Variants in TRIM49 observed in about 807,000 individuals in gnomAD.
TRIM49 encodes the protein tripartite motif containing 49.
TRIM49 carries 5 observed loss-of-function variants against 27.4 expected under a neutral mutation model. That is an observed-to-expected ratio of 0.18 (90% CI 0.10 to 0.38). The LOEUF is 0.38. Ranked by LOEUF, TRIM49 falls within the 10% of genes least tolerant of loss-of-function variation. The pLI is 1.00. For synonymous variants in TRIM49, 69 were observed against 166.0 expected (o/e 0.42, Z 4.49); for missense variants, 188 against 487.5 (o/e 0.39, Z 5.79).
At chr11:89,791,698 G>T in the TRIM49 span, among the ~76,000 whole-genome samples, 1 of 152,088 alleles carries the variant, frequency 6.6e-6, no homozygotes, top group African/African-American at 2.4e-5. Flanking sequence ...AATGCTGAGA[G>T]ATTTTGTCAC....
At chr11:89,766,550 C>T in the TRIM49 span, 3 of 618,358 alleles carry the variant, frequency 4.9e-6, no homozygotes, top group Non-Finnish European at 8.2e-6. Context: ...GCTGGCTCCC[C>T]TGTATATGGA....
chr11:89,793,369 C>T (rs1425469639), downstream of TRIM49, among the ~76,000 whole-genome samples: 9 of 152,262 alleles, frequency 5.9e-5, no homozygotes, highest in Non-Finnish European at 1.3e-4. Context: ...GGGAATCCTC[C>T]CTAACTCATT....
At chr11:89,807,762 C>T (rs1370949715) in intron 1 of TRIM49, among the ~76,000 whole-genome samples, 2 of 150,576 alleles carry the variant, frequency 1.3e-5, no homozygotes, top group Non-Finnish European at 2.9e-5. Flanking sequence ...TCTCCAACTC[C>T]TGGCTTCAAG....
the TRIM49 span, chr11:89,768,424 T>C: frequency 3.3e-6 from 2 of 604,464 alleles, 1 homozygote. Flanking sequence ...TTGTGGCCCT[T>C]AGGGAATCTT....
chr11:89,777,050 G>A, the TRIM49 span: 1 of 1,548,822 alleles, frequency 6.5e-7, no homozygotes, highest in Non-Finnish European at 8.7e-7. Context: ...CTACTTCATA[G>A]ACCGGTCACC....
At chr11:89,790,680 C>G in the TRIM49 span, among the ~76,000 whole-genome samples, 2 of 152,020 alleles carry the variant, frequency 1.3e-5, no homozygotes, top group Admixed American at 6.5e-5. Flanking sequence ...AGACCTGCAG[C>G]TGAGGGTCCT....
At chr11:89,791,851 C>A in the TRIM49 span, among the ~76,000 whole-genome samples, 1 of 151,428 alleles carries the variant, frequency 6.6e-6, no homozygotes, top group East Asian at 1.9e-4. Context: ...AGCAAAATAA[C>A]CAGCTAACAT....
intron 3 of TRIM49, 83 bp downstream of exon 3, chr11:89,803,976 G>C (rs984995772): frequency 6.9e-5 from 111 of 1,611,392 alleles, no homozygotes; most frequent in Admixed American, 1.5e-4. Flanking sequence ...CTCAGAGTTG[G>C]CTTTATCCAA....
chr11:89,793,156 A>G (rs1565443688), downstream of TRIM49, among the ~76,000 whole-genome samples: 1 of 152,182 alleles, frequency 6.6e-6, no homozygotes, highest in Non-Finnish European at 1.5e-5. Flanking sequence ...AGAAATGGAC[A>G]CATACACTCT....
chr11:89,803,872 C>T (rs1168791340), intron 3 of TRIM49, 79 bp from the exon 4 acceptor site: 1 of 765,520 alleles, frequency 1.3e-6, no homozygotes, highest in African/African-American at 1.8e-5. Context: ...ACAAATAAGC[C>T]CCTAGTAAAT....
At chr11:89,791,723 T>C in the TRIM49 span, among the ~76,000 whole-genome samples, 2 of 152,144 alleles carry the variant, frequency 1.3e-5, no homozygotes, top group African/African-American at 4.8e-5. Flanking sequence ...AGGCCTGCCC[T>C]AAAAGAGCTC....
At chr11:89,801,103 T>C in intron 5 of TRIM49, 115 bp from the exon 6 acceptor site, 2 of 1,483,224 alleles carry the variant, frequency 1.3e-6, no homozygotes, top group Non-Finnish European at 1.8e-6. Flanking sequence ...TACCATCTTC[T>C]CTTCTGGAAA....
rs1949708191 is a variant in TRIM49 at position 89,798,447 on chromosome 11, C to G, written c.1042G>C (p.Gly348Arg). Residue 348 changes from glycine (G) to arginine (R), a missense_variant, in exon 8 of 8, where the codon GGG becomes CGG. Physicochemically the swap from Gly to Arg is moderately radical, Grantham distance 125. Transcript: ENST00000329758. ...SGKYYWEVHV[G>R]DSWNWAFGVC... ...CCAAAAGCCCAATTCCAGGAGTCCC[C>G]TACATGGACCTCCCAGTAATATTTG... 2 of 1,600,866 alleles carry G rather than the reference C, an allele frequency of 1.2e-6. No homozygotes were observed. The highest frequency in any genetic ancestry group is 1.7e-6 in the Non-Finnish European group (2 of 1,177,068).
At position 89,808,462 on chromosome 11, in the gene TRIM49, A is replaced by T. The variant is rs1363273844; in HGVS notation, c.-216T>A. 2 of 150,610 alleles carry T rather than the reference A, an allele frequency of 1.3e-5. No individual in the cohort carries two copies. Among genetic ancestry groups the T allele is most frequent in the Admixed American group, 1.3e-4 (2 of 15,254 alleles). The allele number at this position is 150,610 out of a possible 1,614,324, so 9.3% of individuals were successfully genotyped here. On this transcript the variant is annotated 5_prime_UTR_variant, in exon 1 of 8. Coordinates refer to ENST00000329758, the MANE Select transcript of TRIM49 (RefSeq NM_020358.2). Reference sequence around the variant, plus strand: ...CCAATTGTGGGAGCTGCTTAAGCAAATGTGAGATCCTGGGTACAGTCCATC... The same window carrying T: ...CCAATTGTGGGAGCTGCTTAAGCAATTGTGAGATCCTGGGTACAGTCCATC...
chr11:89,801,282 A>C (rs1377051580), intron 5 of TRIM49, among the ~76,000 whole-genome samples: 1 of 145,150 alleles, frequency 6.9e-6, no homozygotes, highest in Non-Finnish European at 1.5e-5. Context: ...AGTCATCTTT[A>C]ACTGAACCTG....
chr11:89,807,692 C>A (rs1364055553), intron 1 of TRIM49, among the ~76,000 whole-genome samples: 2 of 151,020 alleles, frequency 1.3e-5, no homozygotes, highest in East Asian at 1.9e-4. Flanking sequence ...TATCACCTGG[C>A]TAATTTTTTT....
intron 6 of TRIM49, among the ~76,000 whole-genome samples, chr11:89,800,366 C>A (rs1949724834): frequency 6.6e-6 from 1 of 151,634 alleles, no homozygotes; most frequent in Admixed American, 6.6e-5. Flanking sequence ...ACTTCCTCCT[C>A]TTCTCTCCTG....
the TRIM49 span, among the ~76,000 whole-genome samples, chr11:89,777,626 G>A: frequency 0.024 from 3,638 of 148,974 alleles, 22 homozygotes; most frequent in East Asian, 0.048. Flanking sequence ...ATATAGAATG[G>A]AGCTGTGGAG....
the TRIM49 span, chr11:89,768,178 G>A: frequency 3.6e-5 from 47 of 1,294,608 alleles, 6 homozygotes; most frequent in East Asian, 7.4e-4. Context: ...CACCAAGAGG[G>A]CCACACTCAC....
Sources: gnomAD v4.1 joint callset for allele counts (sites outside exome capture counted in the v4.1 genomes callset) on GRCh38, gnomAD v4.1.1 for gene constraint, MANE v1.5 for transcripts, NCBI Gene and HGNC (gene_info 2026-07-23, HGNC 2026-07-21) for gene names.